Variants in CDC42 observed in about 807,000 individuals in gnomAD.
CDC42 encodes cell division control protein 42 homolog.
In CDC42, 1 loss-of-function variant was observed where a neutral mutation model predicts 20.8. The ratio of observed to expected loss-of-function variants is 0.05; its 90% CI spans 0.02 to 0.23. The LOEUF (loss-of-function observed/expected upper bound fraction) is 0.23. Ranked by LOEUF, CDC42 falls within the 10% of genes least tolerant of loss-of-function variation. CDC42 has a pLI of 1.00. For synonymous variants in CDC42, 72 were observed against 84.8 expected (o/e 0.85, Z 0.83); for missense variants, 49 against 227.9 (o/e 0.21, Z 5.05).
At chr1:22,078,980 A>G (rs889640761) in intron 2 of CDC42, 2 of 565,142 alleles carry the variant, frequency 3.5e-6, no homozygotes, top group South Asian at 2.2e-5. Context: ...CTTGAGAGAA[A>G]GTAGTATGTG....
At chr1:22,079,200 G>A (rs1174561790) in intron 2 of CDC42, among the ~76,000 whole-genome samples, 1 of 148,416 alleles carries the variant, frequency 6.7e-6, no homozygotes, top group Admixed American at 6.8e-5. Flanking sequence ...GTGCAGTAGC[G>A]CGATCTCGGC....
intron 1 of CDC42, among the ~76,000 whole-genome samples, chr1:22,058,651 C>A (rs997632237): frequency 2.6e-5 from 4 of 151,322 alleles, no homozygotes; most frequent in African/African-American, 9.7e-5. Context: ...CCTGGCTGAT[C>A]TTGTATTTTT....
chr1:22,097,377 G>T lies in CDC42; in HGVS notation c.*5860G>T, dbSNP rs1645764621. On this transcript the variant is annotated 3_prime_UTR_variant, in exon 6 of 6. Coordinates refer to ENST00000656825, the MANE Select transcript of CDC42 (RefSeq NM_001791.4). Reference sequence around the variant, plus strand: ...ATGCCTCAGCCTCCCAAGTAGCTGGGACTACAGGCGTGAGCCACCGTGCCT... The same window carrying T: ...ATGCCTCAGCCTCCCAAGTAGCTGGTACTACAGGCGTGAGCCACCGTGCCT... 6.6e-6 allele frequency among the ~76,000 whole-genome samples: 1 copy of T among 152,180 alleles called. No individual in the cohort carries two copies. The highest frequency in any genetic ancestry group is 1.5e-5 in the Non-Finnish European group (1 of 68,036).
At chr1:22,067,400 C>T (rs1008037900) in intron 1 of CDC42, among the ~76,000 whole-genome samples, 2 of 152,042 alleles carry the variant, frequency 1.3e-5, no homozygotes, top group African/African-American at 4.8e-5. Context: ...TAGCTCACTC[C>T]CACCTCCGCC....
Position 22,078,832 on chromosome 1 carries a change from A to G in CDC42, c.105+249A>G. The G allele has an allele frequency of 1.4e-6, 2 of 1,407,812 alleles. 1 individual carries two copies. The highest frequency in any genetic ancestry group is 2.5e-5 in the South Asian group (2 of 81,394). The allele number at this position is 1,407,812 out of a possible 1,614,324, so 87.2% of individuals were successfully genotyped here. ...CAAAACTCCAGTAGACAAGATTCTA[A>G]CGAGTGGTGGTCTCAATTTGGTGAA... On this transcript the variant is annotated intron_variant, in intron 2 of 5. Coordinates refer to ENST00000656825, the MANE Select transcript of CDC42 (RefSeq NM_001791.4).
rs1332894525 is a variant in CDC42 at position 22,095,752 on chromosome 1, A to G, written c.*4235A>G. 6.6e-6 allele frequency among the ~76,000 whole-genome samples: 1 copy of G among 152,016 alleles called. No individual in the cohort carries two copies. Among genetic ancestry groups the G allele is most frequent in the African/African-American group, 2.4e-5 (1 of 41,400 alleles). ...AGCTGAACTTGTCTCTAGCCTTCAG[A>G]TTGGGCTCAGGTGGGCTTTGTGTTT... On this transcript the variant is annotated 3_prime_UTR_variant, in exon 6 of 6. Transcript: ENST00000656825.
At chr1:22,086,640 A>G in intron 4 of CDC42, 29 bp from the exon 5 acceptor site, 3 of 1,607,104 alleles carry the variant, frequency 1.9e-6, no homozygotes, top group South Asian at 2.2e-5. Context: ...TTGATTAACA[A>G]AGGTGTATTT....
At position 22,086,871 on chromosome 1, in the gene CDC42, G is replaced by A. The variant is rs1645666304; in HGVS notation, c.486+5G>A. The A allele has an allele frequency of 6.2e-7, 1 of 1,611,066 alleles. No homozygotes were observed. Among genetic ancestry groups the A allele is most frequent in the Non-Finnish European group, 8.5e-7 (1 of 1,177,300 alleles). On this transcript the variant is annotated splice_donor_5th_base_variant and intron_variant, in intron 5 of 5. Transcript: ENST00000656825. ...GAGTGTTCTGCACTTACACAGGTAAGAATGGCATGAAACCCCATGTGTATT... is the reference window on the plus strand; with the variant it reads ...GAGTGTTCTGCACTTACACAGGTAAAAATGGCATGAAACCCCATGTGTATT...
At chr1:22,084,261 TC>T (rs1483837565) in intron 3 of CDC42, among the ~76,000 whole-genome samples, 1 of 151,212 alleles carries the variant, frequency 6.6e-6, no homozygotes, top group African/African-American at 2.4e-5. Context: ...ACAGTGGCTG[TC>T]CCATTTTATA....
chr1:22,070,003 T>C (rs754225695), intron 1 of CDC42, among the ~76,000 whole-genome samples: 19 of 152,034 alleles, frequency 1.2e-4, no homozygotes, highest in Non-Finnish European at 2.4e-4. Context: ...GCCTAGGTTG[T>C]TCTCAAACTC....
intron 2 of CDC42, among the ~76,000 whole-genome samples, chr1:22,079,246 C>T (rs542727207): frequency 6.6e-6 from 1 of 150,602 alleles, no homozygotes; most frequent in East Asian, 2.0e-4. Context: ...TCAAGCAGTT[C>T]TCCTGCCTCA....
intron 1 of CDC42, among the ~76,000 whole-genome samples, chr1:22,073,136 A>G (rs940890460): frequency 2.0e-5 from 3 of 152,150 alleles, no homozygotes; most frequent in Non-Finnish European, 2.9e-5. Context: ...TAATGATACC[A>G]TAGAGAGGGT....
chr1:22,071,447 T>C (rs1404696455), intron 1 of CDC42, among the ~76,000 whole-genome samples: 2 of 152,208 alleles, frequency 1.3e-5, no homozygotes, highest in South Asian at 2.1e-4. Context: ...CAAGACAGTT[T>C]GTTAGCACAC....
At chr1:22,057,259 A>T (rs1428420549) in intron 1 of CDC42, among the ~76,000 whole-genome samples, 2 of 152,232 alleles carry the variant, frequency 1.3e-5, no homozygotes, top group African/African-American at 4.8e-5. Context: ...AGTGCTGTAT[A>T]GATTTTTGCT....
intron 5 of CDC42, chr1:22,089,960 G>A (rs1224393975): frequency 6.2e-7 from 1 of 1,613,964 alleles, no homozygotes; most frequent in Admixed American, 1.7e-5. Context: ...TGAAGAATGT[G>A]TTTGATGAGG....
At chr1:22,054,472 TC>T (rs1205800513) in intron 1 of CDC42, among the ~76,000 whole-genome samples, 8 of 152,134 alleles carry the variant, frequency 5.3e-5, no homozygotes, top group African/African-American at 1.7e-4. Flanking sequence ...CAATTTTTGT[TC>T]CCTAGGGTGT....
intron 5 of CDC42, 87 bp downstream of exon 5, chr1:22,086,953 C>A: frequency 9.2e-7 from 1 of 1,089,206 alleles, no homozygotes; most frequent in Non-Finnish European, 1.4e-6. Context: ...TAACAGTGAT[C>A]AGCAGTGCTC....
At chr1:22,054,902 TATATATATATATATATATA>T (rs1377852698) in intron 1 of CDC42, among the ~76,000 whole-genome samples, 3 of 12,398 alleles carry the variant, frequency 2.4e-4, no homozygotes, top group African/African-American at 4.8e-4. Flanking sequence ...TATATATATA[TATATATATATATATATATA>T]TTTTTTTTTT....
chr1:22,089,563 A>C (rs1272602808), intron 5 of CDC42, among the ~76,000 whole-genome samples: 1 of 152,232 alleles, frequency 6.6e-6, no homozygotes, highest in African/African-American at 2.4e-5. Context: ...TTGATTAATC[A>C]CATTCAGATA....
Sources: gnomAD v4.1 joint callset for allele counts (sites outside exome capture counted in the v4.1 genomes callset) on GRCh38, gnomAD v4.1.1 for gene constraint, MANE v1.5 for transcripts, NCBI Gene and HGNC (gene_info 2026-07-23, HGNC 2026-07-21) for gene names.